The following PDSS2 variants were observed in gnomAD, a reference collection of about 807,000 sequenced individuals.
The protein encoded by PDSS2 is all trans-polyprenyl-diphosphate synthase PDSS2.
A neutral mutation model predicts 44.5 loss-of-function variants in PDSS2; 31 were observed. That is an observed-to-expected ratio of 0.70 (90% CI 0.52 to 0.94). PDSS2 has a LOEUF of 0.94. Ranked by LOEUF, PDSS2 falls within the 40% of genes least tolerant of loss-of-function variation. The pLI, the probability that PDSS2 is intolerant of heterozygous loss-of-function variation, is 0.00. For missense variants in PDSS2, 452 were observed against 482.2 expected (o/e 0.94, Z 0.59); for synonymous variants, 157 against 180.3 (o/e 0.87, Z 1.03).
intron 4 of PDSS2, among the ~76,000 whole-genome samples, chr6:107,223,295 C>G (rs1034753961): frequency 6.6e-6 from 1 of 150,648 alleles, no homozygotes; most frequent in Admixed American, 6.6e-5. Flanking sequence ...TTTGGGAGGC[C>G]GAGGTGGGCA....
At chr6:107,197,945 G>T (rs1407578647) in intron 6 of PDSS2, 1 of 459,554 alleles carries the variant, frequency 2.2e-6, no homozygotes, top group African/African-American at 2.0e-5. Flanking sequence ...TGACTTAGGG[G>T]TGGAATTTTC....
intron 4 of PDSS2, among the ~76,000 whole-genome samples, chr6:107,218,995 T>G (rs773627401): frequency 3.3e-5 from 5 of 151,360 alleles, no homozygotes; most frequent in African/African-American, 9.7e-5. Flanking sequence ...GAGGCAGAGG[T>G]TGCAGTGAGC....
At chr6:107,212,071 T>C in intron 5 of PDSS2, 38 bp downstream of exon 5, 3 of 1,564,544 alleles carry the variant, frequency 1.9e-6, no homozygotes, top group Non-Finnish European at 2.6e-6. Flanking sequence ...GTTTTAGCTA[T>C]TTAAGTACTG....
intron 2 of PDSS2, among the ~76,000 whole-genome samples, chr6:107,291,691 T>G (rs1776355387): frequency 6.6e-6 from 1 of 151,016 alleles, no homozygotes; most frequent in Non-Finnish European, 1.5e-5. Flanking sequence ...AAAAATAGGG[T>G]AGGAAAATGA....
chr6:107,421,878 G>A (rs955521705), intron 1 of PDSS2, among the ~76,000 whole-genome samples: 3 of 151,226 alleles, frequency 2.0e-5, no homozygotes, highest in African/African-American at 2.4e-5. Flanking sequence ...AATAAGGTTT[G>A]TAGTTTAGTT....
At chr6:107,161,913 C>T (rs1771148495) in intron 7 of PDSS2, among the ~76,000 whole-genome samples, 1 of 152,108 alleles carries the variant, frequency 6.6e-6, no homozygotes, top group Non-Finnish European at 1.5e-5. Context: ...AAGTAAACCG[C>T]CGATAGTGAT....
Position 107,410,356 on chromosome 6 carries a change from G to T in PDSS2, c.296+48634C>A, listed in dbSNP as rs569482873. On this transcript the variant is annotated intron_variant, in intron 1 of 7. Transcript: ENST00000369037. ...AATCAATCTTAGTCTTACATAGTACGCTTATCCTGGTATGAATCCACAGGT... is the reference window on the plus strand; with the variant it reads ...AATCAATCTTAGTCTTACATAGTACTCTTATCCTGGTATGAATCCACAGGT... Among the ~76,000 whole-genome samples, 17 of 152,222 alleles carry T rather than the reference G, an allele frequency of 1.1e-4. No individual in the cohort carries two copies. The Middle Eastern group carries it at 0.017, about 152-fold the overall frequency.
chr6:107,274,076 G>C lies in PDSS2; in HGVS notation c.583C>G (p.Leu195Val). The C allele has an allele frequency of 6.2e-7, 1 of 1,614,098 alleles. No homozygotes were observed. The highest frequency in any genetic ancestry group is 8.5e-7 in the Non-Finnish European group (1 of 1,179,978). The change falls in exon 3 of 8, where the codon CTT (leucine) becomes GTT (valine). Residue 195 changes from leucine to valine, a missense_variant. Physicochemically the swap from Leu to Val is conservative, Grantham distance 32 (BLOSUM62 1). Transcript: ENST00000369037. ...NKIAILSGDFLLANACNGLAL... is the reference protein window; with the variant it reads ...NKIAILSGDFVLANACNGLAL... ...AGTCCATTGCAGGCATTTGCTAGAA[G>C]AAAGTCTCCACTCAGGATAGCAATT...
intron 1 of PDSS2, among the ~76,000 whole-genome samples, chr6:107,396,621 C>T (rs193022148): frequency 5.4e-4 from 82 of 150,716 alleles, no homozygotes; most frequent in African/African-American, 1.8e-3. Flanking sequence ...GTAGAGACTA[C>T]GGTTGATGTT....
intron 7 of PDSS2, among the ~76,000 whole-genome samples, chr6:107,191,184 C>T (rs1253452813): frequency 2.6e-5 from 4 of 152,146 alleles, no homozygotes; most frequent in African/African-American, 9.7e-5. Context: ...AGCCACCGTG[C>T]CCGGCCTAGA....
At chr6:107,392,570 A>G (rs1779816790) in intron 1 of PDSS2, among the ~76,000 whole-genome samples, 1 of 152,218 alleles carries the variant, frequency 6.6e-6, no homozygotes, top group East Asian at 1.9e-4. Context: ...AAATGACTAC[A>G]CATAAGGCTT....
intron 2 of PDSS2, among the ~76,000 whole-genome samples, chr6:107,321,827 T>C (rs552100334): frequency 6.6e-6 from 1 of 152,196 alleles, no homozygotes. Flanking sequence ...CAACTGAACA[T>C]AACCAATCAG....
At chr6:107,252,148 C>T (rs926048963) in intron 3 of PDSS2, among the ~76,000 whole-genome samples, 5 of 152,200 alleles carry the variant, frequency 3.3e-5, no homozygotes, top group Non-Finnish European at 5.9e-5. Flanking sequence ...CACCTGGGCA[C>T]GAACTACCCA....
Position 107,239,634 on chromosome 6 carries a change from C to CTTTTT in PDSS2, c.702+5909_702+5913dup, listed in dbSNP as rs1177940710. On this transcript the variant is annotated intron_variant, in intron 4 of 7. Transcript: ENST00000369037. ...ATTATTTAATAAACATGTACTCTAC[C>CTTTTT]TTTTTTTTTTTTTTTTTTTTTTTTT... is the stretch of plus-strand genomic sequence containing the variant. Among the ~76,000 whole-genome samples, 100 of 76,932 alleles carry CTTTTT rather than the reference C, an allele frequency of 1.3e-3. 3 individuals are homozygous for CTTTTT. The highest frequency in any genetic ancestry group is 1.3e-3 in the South Asian group (2 of 1,562). The allele number at this position is 76,932 out of a possible 152,430, so 50.5% of individuals were successfully genotyped here. A position where few individuals can be genotyped will look rare whatever the true frequency, so the allele number is the denominator to read the frequency against.
At chr6:107,317,433 T>C (rs1416699103) in intron 2 of PDSS2, among the ~76,000 whole-genome samples, 1 of 152,186 alleles carries the variant, frequency 6.6e-6, no homozygotes, top group Non-Finnish European at 1.5e-5. Context: ...GGGAATAGTA[T>C]GAACTACAGA....
chr6:107,159,315 G>C (rs957887863), intron 7 of PDSS2, among the ~76,000 whole-genome samples: 8 of 144,656 alleles, frequency 5.5e-5, no homozygotes, highest in African/African-American at 2.0e-4. Flanking sequence ...GGAGGCGGAA[G>C]GGAGGGAGGG....
rs372673927 is a variant in PDSS2 at position 107,260,694 on chromosome 6, G to C, written c.630+13335C>G. On this transcript the variant is annotated intron_variant, in intron 3 of 7. Transcript: ENST00000369037. ...TTTTTTTTTTTTTGAGACGGAGTCTGGCTCTGACGCCCAGGCTGGAGTGCA... is the reference window on the plus strand; with the variant it reads ...TTTTTTTTTTTTTGAGACGGAGTCTCGCTCTGACGCCCAGGCTGGAGTGCA... Among the ~76,000 whole-genome samples, 5 of 128,278 alleles carry C rather than the reference G, an allele frequency of 3.9e-5. No homozygotes were observed. In the East Asian group the frequency reaches 9.0e-4, roughly 23 times the overall value. 84.2% of individuals were successfully genotyped at this position (128,278 alleles called of 152,430 possible).
At chr6:107,407,295 A>G (rs985444847) in intron 1 of PDSS2, among the ~76,000 whole-genome samples, 1 of 152,186 alleles carries the variant, frequency 6.6e-6, no homozygotes, top group Non-Finnish European at 1.5e-5. Context: ...GTACAGGGAG[A>G]GGAGCAAATG....
intron 3 of PDSS2, among the ~76,000 whole-genome samples, chr6:107,249,233 C>T (rs1303766648): frequency 1.3e-5 from 2 of 152,204 alleles, no homozygotes. Flanking sequence ...ACTTATTCTT[C>T]TTCCATACTG....
Sources: allele counts gnomAD v4.1 joint callset (sites outside exome capture counted in the v4.1 genomes callset), GRCh38; gene constraint gnomAD v4.1.1; transcripts MANE v1.5; gene names NCBI Gene and HGNC (gene_info 2026-07-23, HGNC 2026-07-21).